The following GATAD2A variants were observed in gnomAD, a reference collection of about 807,000 sequenced individuals.
GATAD2A encodes the protein transcriptional repressor p66-alpha.
A neutral mutation model predicts 68.5 loss-of-function variants in GATAD2A; 12 were observed. That is an observed-to-expected ratio of 0.18 (90% CI 0.11 to 0.28). GATAD2A has a LOEUF of 0.28. Ranked by LOEUF, GATAD2A falls within the 10% of genes least tolerant of loss-of-function variation. The pLI, the probability that GATAD2A is intolerant of heterozygous loss-of-function variation, is 1.00. For missense variants in GATAD2A, 755 were observed against 868.5 expected, an observed-to-expected ratio of 0.87 and a Z score of 1.64; for synonymous variants, 410 against 375.3, an observed-to-expected ratio of 1.09 and a Z score of -1.07.
chr19:19,503,644 C>CTG (rs58706182), intron 11 of GATAD2A, among the ~76,000 whole-genome samples: 12,062 of 148,640 alleles, frequency 0.081, 817 homozygotes, highest in East Asian at 0.3. Context: ...CATCTGGAAG[C>CTG]TGTGTGTGTG....
intron 1 of GATAD2A, among the ~76,000 whole-genome samples, chr19:19,395,781 A>G (rs2049194041): frequency 6.6e-6 from 1 of 152,156 alleles, no homozygotes; most frequent in Non-Finnish European, 1.5e-5. Flanking sequence ...TTGCTTTATA[A>G]AAGTACGGTG....
At chr19:19,393,507 C>T (rs1206156351) in intron 1 of GATAD2A, among the ~76,000 whole-genome samples, 1 of 152,186 alleles carries the variant, frequency 6.6e-6, no homozygotes, top group Non-Finnish European at 1.5e-5. Flanking sequence ...AAAACATTTT[C>T]ATGCTTGGTG....
chr19:19,437,320 G>A (rs946414823), intron 1 of GATAD2A, among the ~76,000 whole-genome samples: 4 of 151,984 alleles, frequency 2.6e-5, no homozygotes, highest in African/African-American at 4.8e-5. Flanking sequence ...TTGTAGAGAC[G>A]GAGTTTGCTG....
chr19:19,422,037 G>C (rs778410563), intron 1 of GATAD2A, among the ~76,000 whole-genome samples: 1 of 152,152 alleles, frequency 6.6e-6, no homozygotes, highest in Non-Finnish European at 1.5e-5. Context: ...TGGCTAGGCT[G>C]ATTTCGAACT....
chr19:19,419,406 A>G (rs973919893), intron 1 of GATAD2A, among the ~76,000 whole-genome samples: 1 of 151,902 alleles, frequency 6.6e-6, no homozygotes, highest in Admixed American at 6.6e-5. Context: ...CATGCCTTCT[A>G]CAGCTGGGCT....
At chr19:19,450,400 C>CACCT (rs2056244373) in intron 1 of GATAD2A, among the ~76,000 whole-genome samples, 1 of 152,174 alleles carries the variant, frequency 6.6e-6, no homozygotes, top group Non-Finnish European at 1.5e-5. Flanking sequence ...GGGTAGGGAA[C>CACCT]ACCTGTGGGG....
chr19:19,388,859 C>T (rs1338146544), intron 1 of GATAD2A, among the ~76,000 whole-genome samples: 1 of 151,952 alleles, frequency 6.6e-6, no homozygotes, highest in Non-Finnish European at 1.5e-5. Context: ...CTCCCGAGAC[C>T]CCCTGATTCA....
At chr19:19,443,043 C>T (rs2055293972) in intron 1 of GATAD2A, among the ~76,000 whole-genome samples, 2 of 152,078 alleles carry the variant, frequency 1.3e-5, no homozygotes, top group South Asian at 2.1e-4. Context: ...CCCTGCGTGC[C>T]GTTTAACATA....
At chr19:19,474,944 CTT>C (rs915572837) in intron 2 of GATAD2A, among the ~76,000 whole-genome samples, 8 of 152,244 alleles carry the variant, frequency 5.3e-5, no homozygotes, top group African/African-American at 1.9e-4. Flanking sequence ...CCTTGTCCCT[CTT>C]TGATGGAAGC....
intron 1 of GATAD2A, among the ~76,000 whole-genome samples, chr19:19,425,074 A>AG (rs796700134): frequency 7.2e-5 from 11 of 152,150 alleles, no homozygotes; most frequent in African/African-American, 2.4e-4. Flanking sequence ...TAAAAAAAAA[A>AG]AAAAAACCCA....
chr19:19,501,577 G>T (rs2060524852), intron 9 of GATAD2A, among the ~76,000 whole-genome samples, 161 bp downstream of exon 9: 1 of 152,250 alleles, frequency 6.6e-6, no homozygotes, highest in African/African-American at 2.4e-5. Context: ...AGTTTCTTTA[G>T]ACTTTGTAGC....
intron 1 of GATAD2A, among the ~76,000 whole-genome samples, chr19:19,436,837 A>T (rs1421480679): frequency 1.3e-5 from 2 of 152,166 alleles, no homozygotes; most frequent in Admixed American, 6.5e-5. Context: ...TAGAACTTGG[A>T]GGCAGCCCCT....
At chr19:19,400,577 C>T (rs2049634337) in intron 1 of GATAD2A, among the ~76,000 whole-genome samples, 1 of 152,152 alleles carries the variant, frequency 6.6e-6, no homozygotes, top group African/African-American at 2.4e-5. Context: ...TTTCATAAAG[C>T]ATCACTGTAA....
At chr19:19,448,482 T>C (rs1256756707) in intron 1 of GATAD2A, among the ~76,000 whole-genome samples, 1 of 151,922 alleles carries the variant, frequency 6.6e-6, no homozygotes, top group Admixed American at 6.6e-5. Flanking sequence ...CTATTGGTAG[T>C]TGTGTTGTGT....
intron 2 of GATAD2A, among the ~76,000 whole-genome samples, chr19:19,479,804 G>A (rs2148227473): frequency 6.6e-6 from 1 of 150,428 alleles, no homozygotes. Context: ...GTCCTCTTTG[G>A]AAGGAAGTTA....
At chr19:19,394,950 T>C (rs936086256) in intron 1 of GATAD2A, among the ~76,000 whole-genome samples, 5 of 151,542 alleles carry the variant, frequency 3.3e-5, no homozygotes, top group African/African-American at 1.2e-4. Context: ...TCTGGTTGTC[T>C]TTTTTTTTCC....
chr19:19,503,927 C>A (rs912659901), intron 11 of GATAD2A, among the ~76,000 whole-genome samples: 4 of 152,164 alleles, frequency 2.6e-5, no homozygotes, highest in African/African-American at 9.7e-5. Context: ...ACTCTTAGGG[C>A]CAGACATGCT....
rs1000994019 is a variant in GATAD2A, at chr19:19,453,169, T to C, written c.-6-12171T>C. On this transcript the variant is annotated intron_variant, in intron 1 of 11. Coordinates refer to ENST00000683918, the MANE Select transcript of GATAD2A (RefSeq NM_001384528.1). Reference sequence around the variant, plus strand: ...CTCCTGGGCCCCCAGGCTGGGCTTATGCCCCTCAGGTCCTTCTCAGCCCTG... The same window carrying C: ...CTCCTGGGCCCCCAGGCTGGGCTTACGCCCCTCAGGTCCTTCTCAGCCCTG... Among the ~76,000 whole-genome samples, 5 of 152,294 alleles carry C rather than the reference T, an allele frequency of 3.3e-5. No individual in the cohort carries two copies. The East Asian group carries it at 7.7e-4, about 24-fold the overall frequency.
intron 1 of GATAD2A, among the ~76,000 whole-genome samples, chr19:19,448,736 C>T (rs1352403984): frequency 2.6e-5 from 4 of 152,090 alleles, no homozygotes; most frequent in Admixed American, 6.5e-5. Flanking sequence ...ATGATCCGCC[C>T]GCCTCAGCCT....
Sources: gnomAD v4.1 joint callset for allele counts (sites outside exome capture counted in the v4.1 genomes callset) on GRCh38, gnomAD v4.1.1 for gene constraint, MANE v1.5 for transcripts, NCBI Gene and HGNC (gene_info 2026-07-23, HGNC 2026-07-21) for gene names.